The following HDAC9 variants were observed in gnomAD, a reference collection of about 807,000 sequenced individuals.
HDAC9 encodes the protein MEF-2 interacting transcription repressor (MITR) protein.
In HDAC9, 41 loss-of-function variants were observed where a neutral mutation model predicts 139.4. The observed-to-expected ratio is 0.29, with a 90% confidence interval of 0.23 to 0.38. HDAC9 has a LOEUF of 0.38. Ranked by LOEUF, HDAC9 falls within the 10% of genes least tolerant of loss-of-function variation. HDAC9 has a pLI of 1.00. For missense variants in HDAC9, 1,147 were observed against 1,297.0 expected (o/e 0.88, Z 1.78); for synonymous variants, 517 against 476.2 (o/e 1.09, Z -1.12).
intron 6 of HDAC9, among the ~76,000 whole-genome samples, chr7:18,596,549 C>T (rs1479130550): frequency 1.3e-5 from 2 of 151,992 alleles, no homozygotes; most frequent in Admixed American, 6.6e-5. Flanking sequence ...ACAAACAAAG[C>T]GAACAATAAA....
At chr7:18,355,006 G>A (rs1400957232) in intron 1 of HDAC9, among the ~76,000 whole-genome samples, 1 of 152,124 alleles carries the variant, frequency 6.6e-6, no homozygotes, top group Admixed American at 6.6e-5. Flanking sequence ...AATAATTACA[G>A]ATCCTCAATC....
At chr7:18,708,656 G>A (rs372559426) in intron 12 of HDAC9, among the ~76,000 whole-genome samples, 2 of 152,284 alleles carry the variant, frequency 1.3e-5, no homozygotes, top group Admixed American at 1.3e-4. Context: ...TTGGGAGACA[G>A]GGAGTGAGAG....
intron 1 of HDAC9, among the ~76,000 whole-genome samples, chr7:18,100,748 T>C (rs1195057377): frequency 1.3e-5 from 2 of 152,226 alleles, no homozygotes; most frequent in Admixed American, 1.3e-4. Flanking sequence ...AGACTTTTTA[T>C]CCTTGCTATT....
chr7:18,771,706 A>G (rs1219543381), intron 16 of HDAC9, among the ~76,000 whole-genome samples: 1 of 152,088 alleles, frequency 6.6e-6, no homozygotes, highest in African/African-American at 2.4e-5. Context: ...GTACCAGTAA[A>G]TAGTATTCTA....
chr7:18,991,642 A>G (rs924273957), intron 25 of HDAC9, among the ~76,000 whole-genome samples: 1 of 134,920 alleles, frequency 7.4e-6, no homozygotes, highest in Non-Finnish European at 1.5e-5. Context: ...GTCTCAAAAG[A>G]AAAAAAAAAA....
chr7:18,129,329 A>G (rs946445248), intron 1 of HDAC9, among the ~76,000 whole-genome samples: 13 of 152,068 alleles, frequency 8.5e-5, no homozygotes, highest in African/African-American at 2.9e-4. Context: ...CTGTAATTCC[A>G]GAGTTGTTAT....
chr7:18,424,889 C>T (rs1417527169), intron 1 of HDAC9, among the ~76,000 whole-genome samples: 1 of 151,892 alleles, frequency 6.6e-6, no homozygotes, highest in East Asian at 1.9e-4. Context: ...GGCAACAGAG[C>T]GAGACTATAT....
At chr7:18,138,564 G>A (rs879302693) in intron 1 of HDAC9, among the ~76,000 whole-genome samples, 3,651 of 148,092 alleles carry the variant, frequency 0.025, 164 homozygotes, top group African/African-American at 0.087. Flanking sequence ...GTGTGTGTGT[G>A]CACATGCTCA....
At chr7:18,516,598 G>T (rs749337504) in intron 2 of HDAC9, among the ~76,000 whole-genome samples, 1 of 152,056 alleles carries the variant, frequency 6.6e-6, no homozygotes, top group African/African-American at 2.4e-5. Flanking sequence ...AGTGGTTCAC[G>T]CCTGTAATCC....
intron 1 of HDAC9, among the ~76,000 whole-genome samples, chr7:18,339,870 T>C (rs1781871918): frequency 6.6e-6 from 1 of 151,586 alleles, no homozygotes; most frequent in Non-Finnish European, 1.5e-5. Context: ...ATGTGTATTA[T>C]GCTGTTGAGT....
chr7:18,274,918 A>C (rs1174708213), intron 2 of HDAC9, among the ~76,000 whole-genome samples: 2 of 152,180 alleles, frequency 1.3e-5, no homozygotes, highest in Non-Finnish European at 2.9e-5. Flanking sequence ...GGAGGGATGC[A>C]ATGAAGCTTC....
At chr7:18,531,745 A>G (rs985144564) in intron 2 of HDAC9, among the ~76,000 whole-genome samples, 2 of 152,074 alleles carry the variant, frequency 1.3e-5, no homozygotes, top group African/African-American at 4.8e-5. Flanking sequence ...GTGCTTGTGT[A>G]AGCAAAACTC....
At chr7:18,901,818 T>A (rs1164350633) in intron 22 of HDAC9, among the ~76,000 whole-genome samples, 3 of 152,244 alleles carry the variant, frequency 2.0e-5, no homozygotes, top group Non-Finnish European at 4.4e-5. Context: ...CACATCTGCA[T>A]ATATACATTT....
intron 25 of HDAC9, among the ~76,000 whole-genome samples, chr7:18,987,858 G>T (rs1785499096): frequency 6.6e-6 from 1 of 152,198 alleles, no homozygotes; most frequent in African/African-American, 2.4e-5. Context: ...TTGGCGTAGA[G>T]GTGTTTGTAG....
At chr7:18,188,765 A>G (rs187855095) in intron 2 of HDAC9, among the ~76,000 whole-genome samples, 1 of 152,370 alleles carries the variant, frequency 6.6e-6, no homozygotes, top group African/African-American at 2.4e-5. Context: ...TGATCATCAG[A>G]GAAATGCAAA....
chr7:18,639,140 G>C (rs1784781262), intron 8 of HDAC9, among the ~76,000 whole-genome samples: 1 of 151,994 alleles, frequency 6.6e-6, no homozygotes, highest in Non-Finnish European at 1.5e-5. Flanking sequence ...TAATAATAAG[G>C]TTAAGTGTTC....
chr7:18,821,498 C>A (rs13244868), intron 17 of HDAC9, among the ~76,000 whole-genome samples: 35 of 152,174 alleles, frequency 2.3e-4, no homozygotes, highest in African/African-American at 8.2e-4. Flanking sequence ...AGTGTGGCTG[C>A]GGTGGAGAAA....
At chr7:18,850,293 T>G (rs1406467488) in intron 21 of HDAC9, among the ~76,000 whole-genome samples, 2 of 152,134 alleles carry the variant, frequency 1.3e-5, no homozygotes, top group African/African-American at 2.4e-5. Flanking sequence ...ACGATCTGAA[T>G]GTGGAGTGTG....
chr7:18,511,865 TG>T (rs1334061603), intron 2 of HDAC9, among the ~76,000 whole-genome samples: 1 of 152,162 alleles, frequency 6.6e-6, no homozygotes, highest in Non-Finnish European at 1.5e-5. Context: ...CTTTTTTCTG[TG>T]AATTTTTCTG....
Sources: gnomAD v4.1 joint callset for allele counts (sites outside exome capture counted in the v4.1 genomes callset) on GRCh38, gnomAD v4.1.1 for gene constraint, MANE v1.5 for transcripts, NCBI Gene and HGNC (gene_info 2026-07-23, HGNC 2026-07-21) for gene names.